Variants in SLC24A3 observed in about 807,000 individuals in gnomAD.
The protein encoded by SLC24A3 is solute carrier family 24 member 3.
In SLC24A3, 28 loss-of-function variants were observed where a neutral mutation model predicts 75.8. The ratio of observed to expected loss-of-function variants is 0.37; its 90% CI spans 0.27 to 0.51. The LOEUF (loss-of-function observed/expected upper bound fraction) is 0.51. Among genes scored for constraint, SLC24A3 ranks in the 20% least tolerant of loss-of-function variants. SLC24A3 has a pLI of 0.94. For synonymous variants in SLC24A3, 372 were observed against 334.1 expected, an observed-to-expected ratio of 1.11 and a Z score of -1.24; for missense variants, 663 against 847.8, an observed-to-expected ratio of 0.78 and a Z score of 2.71.
At chr20:19,343,088 A>AAAAAAAAAAAAAAAAAG (rs1568594815) in intron 2 of SLC24A3, among the ~76,000 whole-genome samples, 1 of 147,242 alleles carries the variant, frequency 6.8e-6, no homozygotes, top group African/African-American at 2.7e-5. Context: ...AAAAAAAGAA[A>AAAAAAAAAAAAAAAAAG]AAAGAAAAAG....
intron 6 of SLC24A3, among the ~76,000 whole-genome samples, chr20:19,642,747 T>G (rs993007524): frequency 6.6e-6 from 1 of 152,204 alleles, no homozygotes; most frequent in Admixed American, 6.5e-5. Flanking sequence ...TCCCCCTATG[T>G]TTTTGACTAA....
At chr20:19,297,290 A>G (rs1489162712) in intron 2 of SLC24A3, among the ~76,000 whole-genome samples, 2 of 152,174 alleles carry the variant, frequency 1.3e-5, no homozygotes, top group Non-Finnish European at 2.9e-5. Flanking sequence ...GGTTACGTTT[A>G]TACGCATGAT....
intron 2 of SLC24A3, among the ~76,000 whole-genome samples, chr20:19,352,658 G>A (rs182246699): frequency 6.6e-6 from 1 of 152,306 alleles, no homozygotes; most frequent in African/African-American, 2.4e-5. Context: ...TCACCCCAAA[G>A]CCCAAGTCCG....
chr20:19,213,926 T>C (rs1311173038), intron 1 of SLC24A3, among the ~76,000 whole-genome samples: 1 of 151,838 alleles, frequency 6.6e-6, no homozygotes, highest in Non-Finnish European at 1.5e-5. Flanking sequence ...ATGTAAAGGG[T>C]TGTGAGAAAG....
At chr20:19,643,855 T>G (rs969584260) in intron 6 of SLC24A3, among the ~76,000 whole-genome samples, 2 of 152,238 alleles carry the variant, frequency 1.3e-5, no homozygotes, top group Non-Finnish European at 2.9e-5. Flanking sequence ...AGTTAGAGAT[T>G]GCTCTTAGGT....
chr20:19,268,354 T>G (rs1983227486), intron 1 of SLC24A3, among the ~76,000 whole-genome samples: 1 of 152,226 alleles, frequency 6.6e-6, no homozygotes, highest in African/African-American at 2.4e-5. Context: ...TTCCAATATT[T>G]TCTTTCCAAT....
intron 1 of SLC24A3, among the ~76,000 whole-genome samples, chr20:19,274,804 C>T (rs1983435565): frequency 6.6e-6 from 1 of 152,170 alleles, no homozygotes; most frequent in African/African-American, 2.4e-5. Context: ...TGGCTGCGGG[C>T]TTATGCAAAC....
rs1168250650 is a variant in SLC24A3 at position 19,547,687 on chromosome 20, CA to C, written c.348+32131del. Among the ~76,000 whole-genome samples, 4 of 151,860 alleles carry C rather than the reference CA, an allele frequency of 2.6e-5. No individual in the cohort carries two copies. In the East Asian group the frequency reaches 7.7e-4, roughly 29 times the overall value. ...GCAGAAGCTGAGTGAATGGCCAGGC[CA>C]AAAAAAACTGCCTCTCCCACCCTCC... On this transcript the variant is annotated intron_variant, in intron 3 of 16. Coordinates refer to ENST00000328041, the MANE Select transcript of SLC24A3 (RefSeq NM_020689.4).
intron 2 of SLC24A3, among the ~76,000 whole-genome samples, chr20:19,447,448 G>C (rs1987405360): frequency 6.6e-6 from 1 of 152,166 alleles, no homozygotes; most frequent in South Asian, 2.1e-4. Flanking sequence ...CAGGTTTGCA[G>C]AGCCCCAAGC....
intron 7 of SLC24A3, among the ~76,000 whole-genome samples, chr20:19,658,711 A>G (rs1207637275): frequency 6.6e-6 from 1 of 152,158 alleles, no homozygotes; most frequent in African/African-American, 2.4e-5. Flanking sequence ...GGCTCCCCCA[A>G]TGCCTTCAGT....
At chr20:19,546,021 T>TGGTGGCGGGCAC (rs1278183222) in intron 3 of SLC24A3, among the ~76,000 whole-genome samples, 15 of 151,692 alleles carry the variant, frequency 9.9e-5, no homozygotes, top group African/African-American at 3.6e-4. Context: ...TAGCCGGGCA[T>TGGTGGCGGGCAC]GGTGGCGGGC....
At chr20:19,400,429 T>C (rs932739825) in intron 2 of SLC24A3, among the ~76,000 whole-genome samples, 19 of 152,124 alleles carry the variant, frequency 1.2e-4, no homozygotes, top group Non-Finnish European at 2.8e-4. Context: ...GCCCCAGGAA[T>C]CTTTCCATTT....
intron 1 of SLC24A3, among the ~76,000 whole-genome samples, chr20:19,248,156 G>A (rs1451065198): frequency 6.6e-6 from 1 of 152,178 alleles, no homozygotes; most frequent in Non-Finnish European, 1.5e-5. Context: ...AAGGTGGAGG[G>A]CTTGGAGAAA....
At chr20:19,481,124 A>G (rs1988045219) in intron 2 of SLC24A3, among the ~76,000 whole-genome samples, 1 of 152,208 alleles carries the variant, frequency 6.6e-6, no homozygotes, top group African/African-American at 2.4e-5. Context: ...TAGTAATGAG[A>G]AACAGCCTCT....
chr20:19,561,201 G>A (rs1164284411), intron 3 of SLC24A3, among the ~76,000 whole-genome samples: 1 of 152,120 alleles, frequency 6.6e-6, no homozygotes, highest in Admixed American at 6.5e-5. Flanking sequence ...CTTTCTTGGG[G>A]CAAAAAGAAA....
intron 2 of SLC24A3, among the ~76,000 whole-genome samples, chr20:19,325,791 TATATAGAGAGAGAGAG>T (rs1197299501): frequency 2.2e-5 from 2 of 89,440 alleles, no homozygotes; most frequent in African/African-American, 4.2e-5. Flanking sequence ...TATATATATA[TATATAGAGAGAGAGAG>T]AGAGAGAGAG....
At chr20:19,396,301 T>C (rs2064266902) in intron 2 of SLC24A3, among the ~76,000 whole-genome samples, 1 of 152,242 alleles carries the variant, frequency 6.6e-6, no homozygotes, top group South Asian at 2.1e-4. Context: ...TAATAAACTT[T>C]TAAATTTTCT....
At chr20:19,303,241 A>G (rs746971830) in intron 2 of SLC24A3, among the ~76,000 whole-genome samples, 8 of 152,124 alleles carry the variant, frequency 5.3e-5, no homozygotes, top group Non-Finnish European at 1.0e-4. Context: ...ACTCTCACTC[A>G]TAAGTGAGAA....
intron 12 of SLC24A3, among the ~76,000 whole-genome samples, chr20:19,687,606 GTAAGT>G (rs2032692923): frequency 1.3e-5 from 2 of 152,214 alleles, no homozygotes; most frequent in Non-Finnish European, 2.9e-5. Context: ...TGGAAGTTCT[GTAAGT>G]GACCAAGTTC....
Sources: gnomAD v4.1 joint callset for allele counts (sites outside exome capture counted in the v4.1 genomes callset) on GRCh38, gnomAD v4.1.1 for gene constraint, MANE v1.5 for transcripts, NCBI Gene and HGNC (gene_info 2026-07-23, HGNC 2026-07-21) for gene names.